PKN2: variants seen among roughly 807,000 people sequenced by gnomAD.
The protein encoded by PKN2 is protein kinase N2, also known as serine/threonine-protein kinase N2.
PKN2 carries 38 observed loss-of-function variants against 119.1 expected under a neutral mutation model. That is an observed-to-expected ratio of 0.32 (90% CI 0.25 to 0.42). The LOEUF is 0.42. Ranked by LOEUF, PKN2 falls within the 10% of genes least tolerant of loss-of-function variation. The pLI is 1.00. For synonymous variants in PKN2, 390 were observed against 384.9 expected, an observed-to-expected ratio of 1.01 and a Z score of -0.15; for missense variants, 850 against 1,165.1, an observed-to-expected ratio of 0.73 and a Z score of 3.94.
chr1:88,684,435 A>G lies in PKN2; in HGVS notation c.-146A>G. 1.4e-6 allele frequency: 1 copy of G among 695,612 alleles called. No homozygotes were observed. The highest frequency in any genetic ancestry group is 2.3e-6 in the Non-Finnish European group (1 of 438,300). The allele number at this position is 695,612 out of a possible 1,614,324, so 43.1% of individuals were successfully genotyped here. ...ACCGGACGGAATAAGCCGCGCCTCC[A>G]GCAGGGGCTGCGCCTCCATGAATCC... On this transcript the variant is annotated 5_prime_UTR_variant, in exon 1 of 22. Coordinates refer to ENST00000370521, the MANE Select transcript of PKN2 (RefSeq NM_006256.4).
chr1:88,813,415 A>T, intron 15 of PKN2, 142 bp from the exon 16 acceptor site: 1 of 574,686 alleles, frequency 1.7e-6, no homozygotes, highest in Non-Finnish European at 3.0e-6. Flanking sequence ...CATAGCACAT[A>T]TAGCAAAACT....
intron 17 of PKN2, among the ~76,000 whole-genome samples, chr1:88,822,958 C>T (rs1672356861): frequency 6.6e-6 from 1 of 152,126 alleles, no homozygotes; most frequent in South Asian, 2.1e-4. Context: ...GTGGCTCATG[C>T]CTGTAACCCC....
chr1:88,740,459 G>A (rs898105184), intron 1 of PKN2, among the ~76,000 whole-genome samples: 2 of 152,004 alleles, frequency 1.3e-5, no homozygotes, highest in African/African-American at 2.4e-5. Context: ...TGGGCTTTTA[G>A]TGTTTACCTA....
chr1:88,796,425 G>C (rs1218486117), intron 8 of PKN2, among the ~76,000 whole-genome samples: 1 of 152,114 alleles, frequency 6.6e-6, no homozygotes, highest in Non-Finnish European at 1.5e-5. Flanking sequence ...TCCAAGTCAT[G>C]CTAAGCTCCT....
intron 2 of PKN2, among the ~76,000 whole-genome samples, chr1:88,747,362 C>A (rs139620048): frequency 6.6e-5 from 10 of 152,148 alleles, no homozygotes; most frequent in African/African-American, 2.2e-4. Context: ...TCACATTATA[C>A]CCCATAAATA....
At chr1:88,802,737 A>ACCTT (rs1293470595) in intron 8 of PKN2, among the ~76,000 whole-genome samples, 1 of 152,238 alleles carries the variant, frequency 6.6e-6, no homozygotes, top group Non-Finnish European at 1.5e-5. Context: ...AGGTGATTGG[A>ACCTT]CCTTCTCTTA....
intron 3 of PKN2, among the ~76,000 whole-genome samples, chr1:88,761,494 G>A (rs1669440061): frequency 6.6e-6 from 1 of 150,804 alleles, no homozygotes; most frequent in South Asian, 2.1e-4. Context: ...TGAAATTTGA[G>A]ACTAGGCCTG....
chr1:88,800,953 G>A (rs903356387), intron 8 of PKN2, among the ~76,000 whole-genome samples: 2 of 152,072 alleles, frequency 1.3e-5, no homozygotes, highest in Admixed American at 6.6e-5. Context: ...GCTTTTTTTG[G>A]TGGTAGTTTT....
chr1:88,811,749 A>G (rs1178304739), intron 15 of PKN2, among the ~76,000 whole-genome samples: 1 of 152,230 alleles, frequency 6.6e-6, no homozygotes, highest in Non-Finnish European at 1.5e-5. Context: ...ATATATCCCA[A>G]ACCATACAAA....
intron 9 of PKN2, 55 bp from the exon 10 acceptor site, chr1:88,804,791 G>A (rs919433561): frequency 1.2e-5 from 12 of 978,370 alleles, no homozygotes; most frequent in Non-Finnish European, 1.9e-5. Context: ...TATAAATTTA[G>A]TAGATTTCAT....
At chr1:88,728,858 A>G (rs1668006524) in intron 1 of PKN2, among the ~76,000 whole-genome samples, 1 of 150,048 alleles carries the variant, frequency 6.7e-6, no homozygotes, top group Non-Finnish European at 1.5e-5. Context: ...CCACAAGTCT[A>G]TAGCCAATGT....
intron 4 of PKN2, 79 bp from the exon 5 acceptor site, chr1:88,771,342 A>T: frequency 9.7e-7 from 1 of 1,034,484 alleles, no homozygotes. Context: ...ATAGGAATTC[A>T]TTTCTTTTCA....
chr1:88,808,547 G>A (rs1173568639), intron 15 of PKN2, among the ~76,000 whole-genome samples: 2 of 151,964 alleles, frequency 1.3e-5, no homozygotes, highest in Middle Eastern at 3.2e-3. Context: ...CTCATGATCC[G>A]CCAGCCTTGG....
At position 88,807,575 on chromosome 1, in the gene PKN2, G is replaced by A. The variant is rs770106331; in HGVS notation, c.1981G>A (p.Ala661Thr). Residue 661 changes from alanine to threonine, a missense_variant, in exon 14 of 22, where the codon GCT (alanine) becomes ACT (threonine). This residue lies in a region of PKN2 where 216 missense variants were observed against 252.8 expected (regional missense o/e 0.85). Transcript: ENST00000370521. The part of the protein sequence containing the change: ...QFNLQDFRCC[A>T]VLGRGHFGKV... The stretch of plus-strand genomic sequence containing the variant: ...TAATCTACAAGATTTCAGGTGTTGT[G>A]CTGTCTTGGGAAGAGGACATTTTGG... 7 of 1,612,298 alleles carry A rather than the reference G, an allele frequency of 4.3e-6. No individual in the cohort carries two copies. Among genetic ancestry groups the A allele is most frequent in the Non-Finnish European group, 8.5e-7 (1 of 1,178,888 alleles).
chr1:88,724,531 A>T (rs1177619186), intron 1 of PKN2, among the ~76,000 whole-genome samples: 1 of 151,552 alleles, frequency 6.6e-6, no homozygotes, highest in African/African-American at 2.4e-5. Flanking sequence ...ATTTATGTAT[A>T]ACATTGAAGA....
chr1:88,802,136 C>T (rs111988380), intron 8 of PKN2, among the ~76,000 whole-genome samples: 1,964 of 152,174 alleles, frequency 0.013, 44 homozygotes, highest in African/African-American at 0.045. Flanking sequence ...TGATAGGAGG[C>T]TTTAGAGTAA....
chr1:88,788,797 A>G (rs181622555), intron 8 of PKN2, among the ~76,000 whole-genome samples: 58 of 152,112 alleles, frequency 3.8e-4, no homozygotes, highest in Non-Finnish European at 7.5e-4. Context: ...TGTTCTTTCT[A>G]TTCTGTCGGG....
chr1:88,718,200 G>A (rs938057404), intron 1 of PKN2, among the ~76,000 whole-genome samples: 10 of 152,190 alleles, frequency 6.6e-5, no homozygotes, highest in Non-Finnish European at 1.2e-4. Flanking sequence ...TTGTCTCAGA[G>A]GGGCACCCAC....
intron 1 of PKN2, among the ~76,000 whole-genome samples, chr1:88,704,778 C>CAAA (rs35670791): frequency 1.5e-3 from 111 of 75,030 alleles, no homozygotes; most frequent in East Asian, 2.9e-3. Flanking sequence ...GACCCTGTCT[C>CAAA]AAAAAAAAAA....
Sources: gnomAD v4.1 joint callset for allele counts (sites outside exome capture counted in the v4.1 genomes callset) on GRCh38, gnomAD v4.1.1 for gene constraint, gnomAD v4.1.1 regional missense constraint, MANE v1.5 for transcripts, NCBI Gene and HGNC (gene_info 2026-07-23, HGNC 2026-07-21) for gene names.